SLC6A5: variants seen among roughly 807,000 people sequenced by gnomAD.
The protein encoded by SLC6A5 is solute carrier family 6 member 5, also known as sodium- and chloride-dependent glycine transporter 2.
SLC6A5 carries 58 observed loss-of-function variants against 90.5 expected under a neutral mutation model. The observed-to-expected ratio is 0.64, with a 90% confidence interval of 0.52 to 0.80. The LOEUF (loss-of-function observed/expected upper bound fraction) is 0.80, where lower values mean the gene tolerates loss of function less well. SLC6A5 is among the 30% of genes least tolerant of loss of function. The pLI is 0.00. For missense variants in SLC6A5, 1,015 were observed against 1,017.6 expected, an observed-to-expected ratio of 1.00 and a Z score of 0.03; for synonymous variants, 427 against 401.4, an observed-to-expected ratio of 1.06 and a Z score of -0.76.
Position 20,601,659 on chromosome 11 carries a change from C to T in SLC6A5, c.534C>T (p.Ala178=), listed in dbSNP as rs1315392036. ...TCCCGGGCAGCGTGGCCACCGTTGCCACCCAGGTAAGCAGGTTGCATTACG... is the reference window on the plus strand; with the variant it reads ...TCCCGGGCAGCGTGGCCACCGTTGCTACCCAGGTAAGCAGGTTGCATTACG... ...SVLPGSVATV[A]TQEDEQGDEN... is the part of the protein sequence containing the mutation. The change falls in exon 2 of 16, where the codon GCC becomes GCT. Residue 178 remains alanine (A), a synonymous_variant. Transcript: ENST00000525748. 12 of 1,613,566 alleles carry T rather than the reference C, an allele frequency of 7.4e-6. No homozygotes were observed. The highest frequency in any genetic ancestry group is 2.2e-5 in the East Asian group (1 of 44,874).
At chr11:20,610,313 G>A (rs3781743) in intron 5 of SLC6A5, among the ~76,000 whole-genome samples, 82,113 of 152,036 alleles carry the variant, frequency 0.54, 22,323 homozygotes, top group South Asian at 0.67. Context: ...GTGGTGGGAG[G>A]GGATATTGCA....
rs148176705 is a variant in SLC6A5, at chr11:20,636,490, T to C, written c.1737+71T>C. On this transcript the variant is annotated intron_variant, in intron 11 of 15. Coordinates refer to ENST00000525748, the MANE Select transcript of SLC6A5 (RefSeq NM_004211.5). ...ACTCCCCCTCTCCTGGGTCCTGGGT[T>C]CACCCTTCAGGAGAGGGGTAGGCTT... is the stretch of plus-strand genomic sequence containing the variant. The C allele has an allele frequency of 1.2e-3, 1,133 of 981,406 alleles. 20 individuals carry two copies. In the East Asian group the frequency reaches 0.025, roughly 22 times the overall value. The allele number at this position is 981,406 out of a possible 1,614,324, so 60.8% of individuals were successfully genotyped here. A position where few individuals can be genotyped will look rare whatever the true frequency, so the allele number is the denominator to read the frequency against.
rs1451328272 is a variant in SLC6A5, at chr11:20,615,619, G to A, written c.1127+799G>A. 5.3e-5 allele frequency among the ~76,000 whole-genome samples: 8 copies of A among 152,096 alleles called. No individual in the cohort carries two copies. The South Asian group carries it at 6.2e-4, about 12-fold the overall frequency. Reference sequence around the variant, plus strand: ...CCTGACCTTGTGATCTGCTTGCCACGGCCTCCCAAAGTGCTGGGATTACAG... The same window carrying A: ...CCTGACCTTGTGATCTGCTTGCCACAGCCTCCCAAAGTGCTGGGATTACAG... On this transcript the variant is annotated intron_variant, in intron 6 of 15. Transcript: ENST00000525748.
intron 2 of SLC6A5, among the ~76,000 whole-genome samples, chr11:20,603,596 TTTTG>T (rs757863945): frequency 1.3e-5 from 2 of 152,154 alleles, no homozygotes; most frequent in South Asian, 2.1e-4. Flanking sequence ...TATCAACCTT[TTTTG>T]TTTGTTTGTT....
rs561587547 is a variant in SLC6A5, at chr11:20,622,525, G to A, written c.1261-4183G>A. 1.1e-4 allele frequency among the ~76,000 whole-genome samples: 16 copies of A among 152,124 alleles called. No homozygotes were observed. In the South Asian group the frequency reaches 3.3e-3, roughly 32 times the overall value. On this transcript the variant is annotated intron_variant, in intron 7 of 15. Transcript: ENST00000525748. ...GGCATTCATGGAAAGAGTGGCTTTG[G>A]AGTGGGGAAGCTTTGGGCTTAAGTC... is the stretch of plus-strand genomic sequence containing the variant.
rs1393643096 is a variant in SLC6A5 at position 20,614,224 on chromosome 11, AATTT to A, written c.986-446_986-443del. ...ATTTTCTAATTCAATTCGTTTCAGC[AATTT>A]ATTTATTTTCTGCAGAGTCATAAGG... On this transcript the variant is annotated intron_variant, in intron 5 of 15. Transcript: ENST00000525748. Among the ~76,000 whole-genome samples the A allele has an allele frequency of 6.6e-5, 10 of 152,238 alleles. No homozygotes were observed. The South Asian group carries it at 1.2e-3, about 19-fold the overall frequency.
rs192509738 is a variant in SLC6A5 at position 20,643,637 on chromosome 11, C to A, written c.1970-3197C>A. ...GGATCAACTCTTGGACCTTAACTCC[C>A]AGTCCAGTGCTCTTTCCACTGTACC... On this transcript the variant is annotated intron_variant, in intron 13 of 15. Transcript: ENST00000525748. Among the ~76,000 whole-genome samples, 7 of 152,338 alleles carry A rather than the reference C, an allele frequency of 4.6e-5. No homozygotes were observed. The East Asian group carries it at 1.4e-3, about 29-fold the overall frequency.
intron 5 of SLC6A5, among the ~76,000 whole-genome samples, chr11:20,608,184 A>C (rs73448146): frequency 6.6e-6 from 1 of 152,204 alleles, no homozygotes; most frequent in Non-Finnish European, 1.5e-5. Context: ...TGCTCAGTGC[A>C]TGAGGTGAAT....
At position 20,601,446 on chromosome 11, in the gene SLC6A5, C is replaced by G; in HGVS notation, c.321C>G (p.Pro107=). 6.2e-7 allele frequency: 1 copy of G among 1,608,448 alleles called. No homozygotes were observed. Among genetic ancestry groups the G allele is most frequent in the Non-Finnish European group, 8.5e-7 (1 of 1,177,588 alleles). ...AGGCGCAAGGCGCGCAGGCCTCGCC[C>G]CCTCCCGGGAGCTCCGGGCCCGGCA... ...LREAQGAQAS[P]PPGSSGPGNA... is the part of the protein sequence containing the mutation. The change falls in exon 2 of 16, where the codon CCC becomes CCG. Residue 107 remains proline, a synonymous_variant. Coordinates refer to ENST00000525748, the MANE Select transcript of SLC6A5 (RefSeq NM_004211.5).
chr11:20,617,625 G>A (rs1852806175), intron 6 of SLC6A5, 127 bp from the exon 7 acceptor site: 1 of 794,176 alleles, frequency 1.3e-6, no homozygotes. Flanking sequence ...CTGATGGTGG[G>A]GTGGGTGGAG....
At chr11:20,628,469 A>G (rs1159356927) in intron 9 of SLC6A5, among the ~76,000 whole-genome samples, 2 of 152,172 alleles carry the variant, frequency 1.3e-5, no homozygotes, top group Admixed American at 6.5e-5. Flanking sequence ...CTCTTCTTAT[A>G]AAGACCCCAG....
intron 10 of SLC6A5, among the ~76,000 whole-genome samples, chr11:20,634,100 C>T (rs1853159014): frequency 6.6e-6 from 1 of 152,146 alleles, no homozygotes; most frequent in African/African-American, 2.4e-5. Flanking sequence ...TTGAACTCCT[C>T]ACCTTGTGAT....
chr11:20,650,492 C>T (rs886170283), intron 14 of SLC6A5, among the ~76,000 whole-genome samples: 2 of 151,988 alleles, frequency 1.3e-5, no homozygotes, highest in African/African-American at 2.4e-5. Flanking sequence ...ACCAAACTAT[C>T]ATTTCCAGAA....
chr11:20,630,916 G>A (rs1853097968), intron 10 of SLC6A5, 101 bp downstream of exon 10: 2 of 1,384,882 alleles, frequency 1.4e-6, no homozygotes, highest in African/African-American at 1.4e-5. Flanking sequence ...TCTGGAACAG[G>A]ATAGAGGGTG....
intron 5 of SLC6A5, among the ~76,000 whole-genome samples, chr11:20,609,032 G>A (rs1355882157): frequency 1.3e-5 from 2 of 151,624 alleles, no homozygotes; most frequent in Non-Finnish European, 2.9e-5. Flanking sequence ...AGGCACATGG[G>A]TGGAGGCACA....
At chr11:20,648,401 C>A (rs1400455488) in intron 14 of SLC6A5, among the ~76,000 whole-genome samples, 1 of 152,112 alleles carries the variant, frequency 6.6e-6, no homozygotes, top group Non-Finnish European at 1.5e-5. Flanking sequence ...AATCGTTCAG[C>A]ATTGATCTCC....
chr11:20,644,841 C>T (rs552509652), intron 13 of SLC6A5, among the ~76,000 whole-genome samples: 7 of 151,164 alleles, frequency 4.6e-5, no homozygotes, highest in Admixed American at 2.0e-4. Flanking sequence ...GACAGAGTTT[C>T]GCTCTGGTTG....
At chr11:20,647,579 C>T (rs1853445077) in intron 14 of SLC6A5, among the ~76,000 whole-genome samples, 1 of 151,748 alleles carries the variant, frequency 6.6e-6, no homozygotes, top group African/African-American at 2.4e-5. Context: ...ACAATCACAG[C>T]CACGTTTTCC....
intron 8 of SLC6A5, among the ~76,000 whole-genome samples, chr11:20,627,753 A>G (rs951222214): frequency 6.6e-6 from 1 of 152,188 alleles, no homozygotes; most frequent in East Asian, 1.9e-4. Context: ...AGTGTAGTTT[A>G]TTGAGTTCCT....
Sources: gnomAD v4.1 joint callset for allele counts (sites outside exome capture counted in the v4.1 genomes callset) on GRCh38, gnomAD v4.1.1 for gene constraint, MANE v1.5 for transcripts, NCBI Gene and HGNC (gene_info 2026-07-23, HGNC 2026-07-21) for gene names.